SUFU: variants seen among roughly 807,000 people sequenced by gnomAD.
SUFU encodes the protein suppressor of fused homolog.
Under a neutral mutation model 58.9 loss-of-function variants are expected in SUFU, and 7 were observed. The observed-to-expected ratio is 0.12, with a 90% confidence interval of 0.07 to 0.22. The LOEUF (loss-of-function observed/expected upper bound fraction) is 0.22. Ranked by LOEUF, SUFU falls within the 10% of genes least tolerant of loss-of-function variation. The pLI, the probability that SUFU is intolerant of heterozygous loss-of-function variation, is 1.00. For synonymous variants in SUFU, 232 were observed against 254.8 expected (o/e 0.91, Z 0.85); for missense variants, 451 against 641.3 (o/e 0.70, Z 3.20).
intron 2 of SUFU, among the ~76,000 whole-genome samples, chr10:102,522,812 G>A (rs924651696): frequency 5.3e-5 from 8 of 152,166 alleles, no homozygotes; most frequent in African/African-American, 1.7e-4. Context: ...GATTGTCATC[G>A]TTGGGACACA....
Position 102,621,001 on chromosome 10 carries a change from C to T in SUFU, c.1296+3573C>T, listed in dbSNP as rs533114569. ...GCCCCTAGTCCCAGCCATTCTCTGC[C>T]AGTCCTGATGGGAAGCCCCAGGCGT... On this transcript the variant is annotated intron_variant, in intron 10 of 11. Transcript: ENST00000369902. 2.6e-5 allele frequency among the ~76,000 whole-genome samples: 4 copies of T among 152,344 alleles called. No homozygotes were observed. In the South Asian group the frequency reaches 8.3e-4, roughly 32 times the overall value.
intron 2 of SUFU, among the ~76,000 whole-genome samples, chr10:102,512,482 T>G (rs1181235220): frequency 6.6e-6 from 1 of 152,224 alleles, no homozygotes; most frequent in African/African-American, 2.4e-5. Context: ...ATGAAGAATG[T>G]GATTGAGCAA....
At chr10:102,594,997 G>A (rs1390913087) in intron 6 of SUFU, among the ~76,000 whole-genome samples, 1 of 152,214 alleles carries the variant, frequency 6.6e-6, no homozygotes, top group Non-Finnish European at 1.5e-5. Flanking sequence ...TGGGATTACA[G>A]GTTTGAGCTA....
intron 3 of SUFU, among the ~76,000 whole-genome samples, chr10:102,571,437 G>T (rs2063159300): frequency 6.6e-6 from 1 of 152,168 alleles, no homozygotes; most frequent in South Asian, 2.1e-4. Flanking sequence ...GGCTGAGGTG[G>T]GTGGATCACT....
intron 3 of SUFU, among the ~76,000 whole-genome samples, chr10:102,581,180 CAAAAAAAAAAAAAAAAAAAA>C (rs71016393): frequency 4.0e-5 from 3 of 75,678 alleles, no homozygotes; most frequent in Admixed American, 1.6e-4. Flanking sequence ...ACTCTGTCTC[CAAAAAAAAAAAAAAAAAAAA>C]AAAAAAAAAA....
At chr10:102,515,264 C>T (rs761055248) in intron 2 of SUFU, among the ~76,000 whole-genome samples, 29 of 151,602 alleles carry the variant, frequency 1.9e-4, no homozygotes, top group Middle Eastern at 3.5e-3. Flanking sequence ...CCTCCGTCTC[C>T]TGCAGTTGAG....
At chr10:102,515,215 T>A (rs1188758066) in intron 2 of SUFU, among the ~76,000 whole-genome samples, 1 of 152,138 alleles carries the variant, frequency 6.6e-6, no homozygotes, top group Non-Finnish European at 1.5e-5. Context: ...ATTAAAACAC[T>A]GGATACAGAT....
At chr10:102,572,876 C>T (rs990008981) in intron 3 of SUFU, 32 of 807,410 alleles carry the variant, frequency 4.0e-5, no homozygotes, top group African/African-American at 8.3e-5. Flanking sequence ...ACATCAGTGT[C>T]ATAGAGCTTC....
At chr10:102,508,156 T>C (rs2062353851) in intron 1 of SUFU, among the ~76,000 whole-genome samples, 1 of 151,930 alleles carries the variant, frequency 6.6e-6, no homozygotes, top group Admixed American at 6.6e-5. Flanking sequence ...GTATCTTTAG[T>C]AGAGATGGGG....
intron 3 of SUFU, among the ~76,000 whole-genome samples, chr10:102,572,276 A>G (rs1195861623): frequency 2.1e-5 from 3 of 143,422 alleles, no homozygotes; most frequent in Admixed American, 7.2e-5. Context: ...GGGTTTCATC[A>G]TGTTGGTCAG....
At chr10:102,526,325 G>T (rs770179512) in intron 2 of SUFU, among the ~76,000 whole-genome samples, 1 of 152,154 alleles carries the variant, frequency 6.6e-6, no homozygotes, top group Admixed American at 6.5e-5. Context: ...GGCCACGGGG[G>T]GGTGGATCAC....
At chr10:102,507,494 A>G (rs890378345) in intron 1 of SUFU, among the ~76,000 whole-genome samples, 2 of 152,236 alleles carry the variant, frequency 1.3e-5, no homozygotes, top group South Asian at 2.1e-4. Flanking sequence ...GAATTAGTCA[A>G]GTGATTTGTT....
rs2135596426 is a variant in SUFU at position 102,504,051 on chromosome 10, G to C, written c.-102G>C. 1 of 1,421,762 alleles carries C rather than the reference G, an allele frequency of 7.0e-7. No homozygotes were observed. The highest frequency in any genetic ancestry group is 9.2e-7 in the Non-Finnish European group (1 of 1,081,520). 88.1% of individuals were successfully genotyped at this position (1,421,762 alleles called of 1,614,324 possible). ...GCTAGACCTCGCTGCAGCCCCCATC[G>C]CCTCGGGGAGTCTCACCCACCGAGT... is the stretch of plus-strand genomic sequence containing the variant. On this transcript the variant is annotated 5_prime_UTR_variant, in exon 1 of 12. Transcript: ENST00000369902.
intron 3 of SUFU, among the ~76,000 whole-genome samples, chr10:102,560,187 A>G (rs184971746): frequency 2.6e-5 from 4 of 152,346 alleles, no homozygotes; most frequent in Admixed American, 2.0e-4. Context: ...ACAGAAGGTG[A>G]AAGTCCTTCA....
chr10:102,520,229 T>A (rs2062534090), intron 2 of SUFU, among the ~76,000 whole-genome samples: 1 of 148,480 alleles, frequency 6.7e-6, no homozygotes, highest in Non-Finnish European at 1.5e-5. Context: ...TTTTTTTTTT[T>A]TTTTTGAGGC....
intron 3 of SUFU, among the ~76,000 whole-genome samples, chr10:102,559,847 G>GT (rs1393272632): frequency 6.6e-6 from 1 of 152,150 alleles, no homozygotes; most frequent in Non-Finnish European, 1.5e-5. Flanking sequence ...TTTCATTTGC[G>GT]TTTTTAGGAA....
rs2135934241 is a variant in SUFU, at chr10:102,617,012, G to A, written c.1158-278G>A. ...TTTTCCTAAGGGAGGTGAGCTCCAG[G>A]ATCTCTGCAGGGCTTTTGAACTCAG... On this transcript the variant is annotated intron_variant, in intron 9 of 11. Coordinates refer to ENST00000369902, the MANE Select transcript of SUFU (RefSeq NM_016169.4). The surrounding 1 kb of genome is among the most constrained non-coding windows in gnomAD (Gnocchi z 4.4). 6.6e-6 allele frequency among the ~76,000 whole-genome samples: 1 copy of A among 152,344 alleles called. No individual in the cohort carries two copies. Among genetic ancestry groups the A allele is most frequent in the South Asian group, 2.1e-4 (1 of 4,828 alleles).
intron 2 of SUFU, among the ~76,000 whole-genome samples, chr10:102,526,698 G>A (rs535683286): frequency 6.7e-4 from 102 of 152,250 alleles, no homozygotes; most frequent in African/African-American, 2.4e-3. Flanking sequence ...CTCAAAGACC[G>A]GTGGCAGCCA....
chr10:102,582,346 A>G (rs1223159961), intron 3 of SUFU, among the ~76,000 whole-genome samples: 4 of 152,258 alleles, frequency 2.6e-5, no homozygotes. Flanking sequence ...TAAGAACTCA[A>G]GGAATGTATT....
Sources: allele counts gnomAD v4.1 joint callset (sites outside exome capture counted in the v4.1 genomes callset), GRCh38; gene constraint gnomAD v4.1.1; non-coding constraint Gnocchi (gnomAD v3.1); transcripts MANE v1.5; gene names NCBI Gene and HGNC (gene_info 2026-07-23, HGNC 2026-07-21).